AGBL4: variants seen among roughly 807,000 people sequenced by gnomAD.
AGBL4 encodes the protein AGBL carboxypeptidase 4.
In AGBL4, 58 loss-of-function variants were observed where a neutral mutation model predicts 66.4. The observed-to-expected ratio is 0.87, with a 90% CI of 0.71 to 1.09. AGBL4 has a LOEUF of 1.09. Ranked by LOEUF, AGBL4 falls within the 50% of genes least tolerant of loss-of-function variation. The pLI is 0.00. For missense variants in AGBL4, 579 were observed against 631.0 expected (o/e 0.92, Z 0.88); for synonymous variants, 234 against 222.9 (o/e 1.05, Z -0.44).
At chr1:48,525,593 A>C in the AGBL4 span, among the ~76,000 whole-genome samples, 1 of 152,138 alleles carries the variant, frequency 6.6e-6, no homozygotes, top group African/African-American at 2.4e-5. Flanking sequence ...TTTTCTGCTG[A>C]GGATTATGTC....
intron 5 of AGBL4, among the ~76,000 whole-genome samples, chr1:48,896,666 T>C (rs1651538852): frequency 5.3e-5 from 2 of 37,676 alleles, no homozygotes; most frequent in African/African-American, 8.8e-5. Flanking sequence ...CAATGGGGAG[T>C]AGGTAGGAGA....
chr1:48,738,630 A>C (rs1400026571), intron 6 of AGBL4, among the ~76,000 whole-genome samples: 1 of 152,200 alleles, frequency 6.6e-6, no homozygotes, highest in African/African-American at 2.4e-5. Context: ...AATTACATTA[A>C]ATTCTGAATC....
chr1:48,771,466 T>C (rs146563805), intron 6 of AGBL4, among the ~76,000 whole-genome samples: 3 of 152,362 alleles, frequency 2.0e-5, no homozygotes, highest in African/African-American at 4.8e-5. Flanking sequence ...GCACATACTA[T>C]TTAGCTGTAA....
chr1:49,372,362 G>GTGTGTGTAT, intron 3 of AGBL4, among the ~76,000 whole-genome samples: 1 of 152,132 alleles, frequency 6.6e-6, no homozygotes, highest in East Asian at 1.9e-4. Flanking sequence ...TCACTCTTGT[G>GTGTGTGTAT]ACTTACAGTA....
At position 49,711,838 on chromosome 1, in the gene AGBL4, C is replaced by T. The variant is rs1448874313; in HGVS notation, c.158-14401G>A. Among the ~76,000 whole-genome samples the T allele has an allele frequency of 2.6e-5, 4 of 152,138 alleles. 1 individual carries two copies. In the South Asian group the frequency reaches 6.2e-4, roughly 24 times the overall value. On this transcript the variant is annotated intron_variant, in intron 2 of 13. Transcript: ENST00000371839. ...AAATTTAGTGTTTCCCTTTTACATG[C>T]ATTTTTTGAAATAAGTATTACGCAC...
intron 9 of AGBL4, among the ~76,000 whole-genome samples, chr1:48,604,131 TCAAAACAAAACAAAACAAAA>T (rs56655236): frequency 1.3e-5 from 2 of 150,514 alleles, no homozygotes; most frequent in Non-Finnish European, 3.0e-5. Flanking sequence ...AGACTTCATC[TCAAAACAAAACAAAACAAAA>T]CAAAACAAAA....
intron 1 of AGBL4, among the ~76,000 whole-genome samples, chr1:49,954,649 C>T (rs1330436031): frequency 1.3e-5 from 2 of 151,960 alleles, no homozygotes; most frequent in Non-Finnish European, 2.9e-5. Flanking sequence ...TCATATGGCA[C>T]TATAACTAAG....
At chr1:48,706,720 ATT>A (rs1646885996) in intron 6 of AGBL4, among the ~76,000 whole-genome samples, 1 of 152,214 alleles carries the variant, frequency 6.6e-6, no homozygotes, top group East Asian at 1.9e-4. Context: ...AACTCCATAA[ATT>A]TTTGTTAAAT....
At chr1:49,312,043 T>C (rs1644950094) in intron 3 of AGBL4, among the ~76,000 whole-genome samples, 1 of 152,084 alleles carries the variant, frequency 6.6e-6, no homozygotes. Flanking sequence ...AACAATACTA[T>C]GGCAAAAGGA....
intron 3 of AGBL4, among the ~76,000 whole-genome samples, chr1:49,301,682 C>A (rs759092629): frequency 6.6e-6 from 1 of 152,168 alleles, no homozygotes; most frequent in Non-Finnish European, 1.5e-5. Context: ...GTAAACTTCA[C>A]TAATTGCCTC....
intron 2 of AGBL4, among the ~76,000 whole-genome samples, chr1:49,706,092 T>C (rs1330838562): frequency 6.6e-6 from 1 of 152,226 alleles, no homozygotes; most frequent in Non-Finnish European, 1.5e-5. Context: ...TCCCTGTTTT[T>C]CTATTGTTTG....
At chr1:49,083,092 T>C (rs1644836703) in intron 4 of AGBL4, among the ~76,000 whole-genome samples, 1 of 152,200 alleles carries the variant, frequency 6.6e-6, no homozygotes, top group South Asian at 2.1e-4. Context: ...CCTGTGGCTT[T>C]GTAGTGTACA....
intron 4 of AGBL4, among the ~76,000 whole-genome samples, chr1:49,177,362 G>A (rs1646851280): frequency 6.6e-6 from 1 of 152,114 alleles, no homozygotes; most frequent in Admixed American, 6.6e-5. Context: ...TCATTCCTAT[G>A]TGCTCTTTTA....
chr1:48,837,742 T>TATATATATATATATA, intron 6 of AGBL4, among the ~76,000 whole-genome samples: 2 of 138,460 alleles, frequency 1.4e-5, no homozygotes, highest in African/African-American at 2.7e-5. Context: ...TATATATATA[T>TATATATATATATATA]CCTGTTAGTT....
chr1:49,697,400 C>CTCAA lies in AGBL4; in HGVS notation c.191_194dup (p.Glu65AspfsTer2). ...TGTCCGGCCTAATGAACAGATCATA[C>CTCAA]TCAAACTCAGAGACCTGGTCCACCC... On this transcript the variant is annotated stop_gained and frameshift_variant, in exon 3 of 14. Coordinates refer to ENST00000371839, the MANE Select transcript of AGBL4 (RefSeq NM_032785.4). LOFTEE classifies it high-confidence loss of function. The CTCAA allele has an allele frequency of 6.5e-7, 1 of 1,538,124 alleles. No individual in the cohort carries two copies. Among genetic ancestry groups the CTCAA allele is most frequent in the Non-Finnish European group, 8.8e-7 (1 of 1,136,312 alleles).
intron 3 of AGBL4, among the ~76,000 whole-genome samples, chr1:49,694,327 C>T (rs1646944120): frequency 6.6e-6 from 1 of 152,090 alleles, no homozygotes; most frequent in Non-Finnish European, 1.5e-5. Flanking sequence ...ACGTAGACTA[C>T]CATGAAAACA....
intron 2 of AGBL4, among the ~76,000 whole-genome samples, chr1:49,819,228 AATGCG>A (rs1428464815): frequency 1.3e-5 from 2 of 152,212 alleles, no homozygotes; most frequent in African/African-American, 4.8e-5. Context: ...CATTTTGTCC[AATGCG>A]ATATAAGTGG....
chr1:49,776,751 T>C (rs911121478), intron 2 of AGBL4, among the ~76,000 whole-genome samples: 23 of 152,144 alleles, frequency 1.5e-4, no homozygotes, highest in Non-Finnish European at 2.9e-4. Context: ...ATACTTTTCA[T>C]ACATAGCACT....
intron 1 of AGBL4, among the ~76,000 whole-genome samples, chr1:49,873,118 A>T (rs1646879438): frequency 6.6e-6 from 1 of 151,978 alleles, no homozygotes; most frequent in Admixed American, 6.6e-5. Flanking sequence ...TGACTTTCAT[A>T]CCTGCCTACT....
Sources: gnomAD v4.1 joint callset for allele counts (sites outside exome capture counted in the v4.1 genomes callset) on GRCh38, gnomAD v4.1.1 for gene constraint, MANE v1.5 for transcripts, NCBI Gene and HGNC (gene_info 2026-07-23, HGNC 2026-07-21) for gene names.